Variants in KIF3A observed in about 807,000 individuals in gnomAD.
KIF3A encodes kinesin-like protein KIF3A.
A neutral mutation model predicts 92.6 loss-of-function variants in KIF3A; 27 were observed. That is an observed-to-expected ratio of 0.29 (90% CI 0.21 to 0.40). The LOEUF (loss-of-function observed/expected upper bound fraction) is 0.40. Among genes scored for constraint, KIF3A ranks in the 10% least tolerant of loss-of-function variants. KIF3A has a pLI of 1.00. For synonymous variants in KIF3A, 250 were observed against 275.4 expected, an observed-to-expected ratio of 0.91 and a Z score of 0.92; for missense variants, 581 against 872.6, an observed-to-expected ratio of 0.67 and a Z score of 4.21.
At chr5:132,698,363 G>A (rs1268470557) in intron 18 of KIF3A, among the ~76,000 whole-genome samples, 6 of 152,070 alleles carry the variant, frequency 3.9e-5, no homozygotes, top group East Asian at 1.9e-4. Flanking sequence ...CCCATATCCC[G>A]ATTTCCCTGA....
intron 4 of KIF3A, among the ~76,000 whole-genome samples, chr5:132,722,260 A>G (rs1250046689): frequency 6.6e-6 from 1 of 152,248 alleles, no homozygotes; most frequent in East Asian, 1.9e-4. Flanking sequence ...TGAAAGATGA[A>G]GAAAGAAAAT....
chr5:132,714,010 C>T (rs997526637), intron 8 of KIF3A, among the ~76,000 whole-genome samples: 2 of 149,794 alleles, frequency 1.3e-5, no homozygotes. Context: ...GATCCTCCTG[C>T]CTCAGCCTCC....
At chr5:132,726,295 A>G in intron 3 of KIF3A, 59 bp downstream of exon 3, 2 of 1,575,634 alleles carry the variant, frequency 1.3e-6, no homozygotes, top group Non-Finnish European at 1.7e-6. Context: ...ATTTATACCT[A>G]TGTGCCTTTC....
chr5:132,693,615 T>C lies in KIF3A; in HGVS notation c.*3019A>G. On this transcript the variant is annotated 3_prime_UTR_variant, in exon 19 of 19. Coordinates refer to ENST00000403231, the MANE Select transcript of KIF3A (RefSeq NM_001300791.2). ...AAAGACACAGTAAATGTGAGGAAAC[T>C]ACAGAATTGCTATGACTGGAGCTAA... The C allele has an allele frequency of 6.5e-6, 1 of 152,766 alleles. No homozygotes were observed. Among genetic ancestry groups the C allele is most frequent in the East Asian group, 1.9e-4 (1 of 5,332 alleles). The allele number at this position is 152,766 out of a possible 1,614,324, so 9.5% of individuals were successfully genotyped here.
chr5:132,693,630 A>G lies in KIF3A; in HGVS notation c.*3004T>C, dbSNP rs1752733199. 1 of 152,754 alleles carries G rather than the reference A, an allele frequency of 6.5e-6. No homozygotes were observed. Among genetic ancestry groups the G allele is most frequent in the African/African-American group, 2.4e-5 (1 of 41,440 alleles). 9.5% of individuals were successfully genotyped at this position (152,754 alleles called of 1,614,324 possible). A position where few individuals can be genotyped will look rare whatever the true frequency, so the allele number is the denominator to read the frequency against. ...GTGAGGAAACTACAGAATTGCTATG[A>G]CTGGAGCTAAATGAATAGCTCTGAA... On this transcript the variant is annotated 3_prime_UTR_variant, in exon 19 of 19. Transcript: ENST00000403231.
Position 132,700,194 on chromosome 5 carries a change from GTTTT to G in KIF3A, c.2007+18_2007+21del. The G allele has an allele frequency of 1.5e-6, 2 of 1,353,278 alleles. No homozygotes were observed. Among genetic ancestry groups the G allele is most frequent in the South Asian group, 2.6e-5 (2 of 77,428 alleles). 83.8% of individuals were successfully genotyped at this position (1,353,278 alleles called of 1,614,324 possible). A position where few individuals can be genotyped will look rare whatever the true frequency, so the allele number is the denominator to read the frequency against. On this transcript the variant is annotated intron_variant, in intron 17 of 18. Coordinates refer to ENST00000403231, the MANE Select transcript of KIF3A (RefSeq NM_001300791.2). The stretch of plus-strand genomic sequence containing the variant: ...CAACAGTAGTTTTGTGTTTTGTTTT[GTTTT>G]TTTTTAAGTACTCTTACATCTTTCT...
chr5:132,709,116 T>C (rs1328035555), intron 9 of KIF3A, 138 bp from the exon 10 acceptor site: 1 of 653,042 alleles, frequency 1.5e-6, no homozygotes, highest in Non-Finnish European at 2.6e-6. Flanking sequence ...AGAACCAAAA[T>C]TTACTTTCCT....
At chr5:132,700,828 T>C in intron 15 of KIF3A, 128 bp from the exon 16 acceptor site, 2 of 529,840 alleles carry the variant, frequency 3.8e-6, no homozygotes, top group South Asian at 3.5e-5. Context: ...TGATATAACC[T>C]TTTTATAAAT....
In KIF3A at chr5:132,724,806, A is replaced by AAAAAAAATT. The variant is rs59476182; in HGVS notation, c.510+1321_510+1322insAATTTTTTT. ...TTAAAGTATAATAAAAAAAAAAAAA[A>AAAAAAAATT]ATATATATATATATATATATATATA... On this transcript the variant is annotated intron_variant, in intron 4 of 18. Coordinates refer to ENST00000403231, the MANE Select transcript of KIF3A (RefSeq NM_001300791.2). Among the ~76,000 whole-genome samples the AAAAAAAATT allele has an allele frequency of 3.9e-3, 88 of 22,682 alleles. 8 individuals are homozygous for AAAAAAAATT. Among genetic ancestry groups the AAAAAAAATT allele is most frequent in the Non-Finnish European group, 6.0e-3 (73 of 12,146 alleles). The allele number at this position is 22,682 out of a possible 152,430, so 14.9% of individuals were successfully genotyped here.
Position 132,695,990 on chromosome 5 carries a change from G to C in KIF3A, c.*644C>G, listed in dbSNP as rs910638241. Reference sequence around the variant, plus strand: ...TTTGAACTCAAACTGGCAAAAAAAAGTTAGGAAAGGTTCAGATGAAACATT... The same window carrying C: ...TTTGAACTCAAACTGGCAAAAAAAACTTAGGAAAGGTTCAGATGAAACATT... On this transcript the variant is annotated 3_prime_UTR_variant, in exon 19 of 19. Coordinates refer to ENST00000403231, the MANE Select transcript of KIF3A (RefSeq NM_001300791.2). 6.6e-6 allele frequency: 1 copy of C among 152,398 alleles called. No individual in the cohort carries two copies. The highest frequency in any genetic ancestry group is 1.5e-5 in the Non-Finnish European group (1 of 68,024). The allele number at this position is 152,398 out of a possible 1,614,324, so 9.4% of individuals were successfully genotyped here. A position where few individuals can be genotyped will look rare whatever the true frequency, so the allele number is the denominator to read the frequency against.
At chr5:132,709,231 T>C (rs933034572) in intron 9 of KIF3A, among the ~76,000 whole-genome samples, 16 of 152,166 alleles carry the variant, frequency 1.1e-4, no homozygotes, top group African/African-American at 1.7e-4. Context: ...CAGATCCTAC[T>C]GGTCACCTAA....
chr5:132,702,281 T>A, intron 14 of KIF3A, 69 bp from the exon 15 acceptor site: 1 of 1,486,484 alleles, frequency 6.7e-7, no homozygotes, highest in Non-Finnish European at 9.3e-7. Flanking sequence ...CCATCTCACA[T>A]AGGATGCTTG....
chr5:132,706,315 T>C (rs3798131), intron 11 of KIF3A, 136 bp downstream of exon 11: 122,523 of 511,734 alleles, frequency 0.24, 23,593 homozygotes, highest in East Asian at 0.7. Flanking sequence ...AGTTGAAAGA[T>C]TGTTAAAAAT....
chr5:132,718,358 G>A (rs183471706), intron 5 of KIF3A, among the ~76,000 whole-genome samples: 1 of 152,316 alleles, frequency 6.6e-6, no homozygotes, highest in East Asian at 1.9e-4. Flanking sequence ...CACCCAGGCT[G>A]GAGGGCAGTG....
chr5:132,702,076 T>G lies in KIF3A; in HGVS notation c.1884+11A>C. On this transcript the variant is annotated intron_variant, in intron 15 of 18. Coordinates refer to ENST00000403231, the MANE Select transcript of KIF3A (RefSeq NM_001300791.2). ...CAAGCGACTATCTCGGTCAGAGAACTTCCTTTTTACCTGATAATCCCGAGG... is the reference window on the plus strand; with the variant it reads ...CAAGCGACTATCTCGGTCAGAGAACGTCCTTTTTACCTGATAATCCCGAGG... 6.2e-7 allele frequency: 1 copy of G among 1,604,616 alleles called. No homozygotes were observed. The highest frequency in any genetic ancestry group is 8.5e-7 in the Non-Finnish European group (1 of 1,173,312).
Position 132,694,975 on chromosome 5 carries a change from C to G in KIF3A, c.*1659G>C, listed in dbSNP as rs17690965. ...CCACCTCAAGAGTACTCCACCTTCA[C>G]TCACCCCTACTCTATACACAGCTTT... On this transcript the variant is annotated 3_prime_UTR_variant, in exon 19 of 19. Transcript: ENST00000403231. The G allele has an allele frequency of 0.57, 86,292 of 151,984 alleles. 27,110 individuals are homozygous for G. Among genetic ancestry groups the G allele is most frequent in the Non-Finnish European group, 0.73 (49,501 of 67,960 alleles). The allele number at this position is 151,984 out of a possible 1,614,324, so 9.4% of individuals were successfully genotyped here.
At position 132,696,452 on chromosome 5, in the gene KIF3A, T is replaced by A; in HGVS notation, c.*182A>T. The A allele has an allele frequency of 1.8e-6, 1 of 546,774 alleles. No homozygotes were observed. The highest frequency in any genetic ancestry group is 3.3e-6 in the Non-Finnish European group (1 of 301,608). The allele number at this position is 546,774 out of a possible 1,614,324, so 33.9% of individuals were successfully genotyped here. On this transcript the variant is annotated 3_prime_UTR_variant, in exon 19 of 19. Coordinates refer to ENST00000403231, the MANE Select transcript of KIF3A (RefSeq NM_001300791.2). ...TGAACAATCACCAGTTGTACAATTT[T>A]AATGTTATATTAATATATGTAGACT...
chr5:132,732,515 G>A (rs189099330), intron 2 of KIF3A, among the ~76,000 whole-genome samples: 9 of 152,248 alleles, frequency 5.9e-5, no homozygotes, highest in Non-Finnish European at 5.9e-5. Context: ...AATGGCTCAC[G>A]CCTGTAATCT....
intron 1 of KIF3A, 127 bp from the exon 2 acceptor site, chr5:132,734,605 G>C (rs1006335982): frequency 2.8e-6 from 2 of 707,484 alleles, no homozygotes; most frequent in Non-Finnish European, 4.4e-6. Context: ...CACTTCACAG[G>C]TATTTGTTAA....
Sources: gnomAD v4.1 joint callset for allele counts (sites outside exome capture counted in the v4.1 genomes callset) on GRCh38, gnomAD v4.1.1 for gene constraint, MANE v1.5 for transcripts, NCBI Gene and HGNC (gene_info 2026-07-23, HGNC 2026-07-21) for gene names.